HPD: variants seen among roughly 807,000 people sequenced by gnomAD.
The protein encoded by HPD is 4-hydroxyphenylpyruvic acid oxidase.
In HPD, 35 loss-of-function variants were observed where a neutral mutation model predicts 56.9. That is an observed-to-expected ratio of 0.62 (90% CI 0.47 to 0.82). The LOEUF is 0.82. Among genes scored for constraint, HPD ranks in the 40% least tolerant of loss-of-function variants. The pLI is 0.00. For synonymous variants in HPD, 186 were observed against 200.2 expected (o/e 0.93, Z 0.60); for missense variants, 442 against 506.8 (o/e 0.87, Z 1.23).
intron 4 of HPD, chr12:121,857,067 G>GGTTTTTT (rs1878028308): frequency 1.9e-6 from 1 of 522,814 alleles, no homozygotes; most frequent in East Asian, 3.5e-5. Context: ...TTGTTGTTGG[G>GGTTTTTT]GTTTTTTGTT....
the HPD span, among the ~76,000 whole-genome samples, chr12:121,870,595 G>GTTT: frequency 9.5e-4 from 117 of 123,260 alleles, 3 homozygotes; most frequent in African/African-American, 2.7e-3. Flanking sequence ...GCTATTGAAG[G>GTTT]TTTTTTTTTT....
chr12:121,883,810 A>G, the HPD span, among the ~76,000 whole-genome samples: 1 of 151,734 alleles, frequency 6.6e-6, no homozygotes, highest in Middle Eastern at 3.4e-3. Flanking sequence ...TGAGCTGCCT[A>G]CAAAAGTTTC....
intron 12 of HPD, among the ~76,000 whole-genome samples, chr12:121,840,681 G>C (rs187925669): frequency 1.3e-5 from 2 of 152,120 alleles, no homozygotes; most frequent in Admixed American, 6.6e-5. Flanking sequence ...TGTACTGCTG[G>C]TGGGACTGTA....
the HPD span, among the ~76,000 whole-genome samples, chr12:121,884,911 C>T: frequency 2.4e-4 from 37 of 152,224 alleles, no homozygotes; most frequent in Admixed American, 2.3e-3. Context: ...TTTCTTGAGA[C>T]GGAGTCTCAC....
intron 4 of HPD, 91 bp downstream of exon 4, chr12:121,857,237 G>T: frequency 2.3e-6 from 2 of 859,918 alleles, no homozygotes; most frequent in Non-Finnish European, 4.0e-6. Context: ...CCACCATCAT[G>T]CCCAGCTAAT....
intron 9 of HPD, among the ~76,000 whole-genome samples, chr12:121,847,475 C>G (rs1877625990): frequency 1.3e-5 from 2 of 152,102 alleles, no homozygotes; most frequent in South Asian, 4.1e-4. Flanking sequence ...CCTCCCACCT[C>G]AGCTTCCCAA....
chr12:121,857,594 A>G, intron 3 of HPD, 162 bp from the exon 4 acceptor site: 1 of 832,366 alleles, frequency 1.2e-6, no homozygotes, highest in Non-Finnish European at 2.0e-6. Context: ...TTGCTGACAG[A>G]TAACTTTCCC....
At chr12:121,843,873 G>C in intron 11 of HPD, 41 bp from the exon 12 acceptor site, 1 of 1,613,738 alleles carries the variant, frequency 6.2e-7, no homozygotes, top group East Asian at 2.2e-5. Flanking sequence ...CGGCCTCCAA[G>C]TTCAACTCCC....
chr12:121,846,712 A>C, intron 11 of HPD, 150 bp downstream of exon 11: 1 of 752,882 alleles, frequency 1.3e-6, no homozygotes, highest in Non-Finnish European at 2.3e-6. Flanking sequence ...GTGCCTGCCC[A>C]TGAGTTGCAA....
At chr12:121,851,471 C>G (rs959656998) in intron 7 of HPD, among the ~76,000 whole-genome samples, 14 of 151,526 alleles carry the variant, frequency 9.2e-5, no homozygotes, top group African/African-American at 2.7e-4. Context: ...CTCAGCCTCC[C>G]GAGTAGCTGG....
At chr12:121,842,787 G>A (rs372484077) in intron 12 of HPD, among the ~76,000 whole-genome samples, 24 of 116,578 alleles carry the variant, frequency 2.1e-4, no homozygotes, top group East Asian at 5.3e-4. Flanking sequence ...TCACTGTGTC[G>A]CCCAGGCTGG....
At chr12:121,879,756 A>T in the HPD span, among the ~76,000 whole-genome samples, 1 of 152,204 alleles carries the variant, frequency 6.6e-6, no homozygotes, top group Non-Finnish European at 1.5e-5. Flanking sequence ...TTTGATACTT[A>T]TGCTAATTTT....
At chr12:121,846,990 C>A (rs1877607777) in intron 10 of HPD, 57 bp from the exon 11 acceptor site, 3 of 1,613,276 alleles carry the variant, frequency 1.9e-6, no homozygotes, top group East Asian at 4.5e-5. Context: ...ACATCCCTGA[C>A]CCTACAAGAG....
intron 7 of HPD, among the ~76,000 whole-genome samples, chr12:121,852,681 C>G (rs1877836569): frequency 8.1e-6 from 1 of 123,608 alleles, no homozygotes; most frequent in African/African-American, 3.1e-5. Flanking sequence ...GTCGCCCAGG[C>G]TGGAGTGCAG....
At chr12:121,870,684 C>A in the HPD span, among the ~76,000 whole-genome samples, 24 of 147,958 alleles carry the variant, frequency 1.6e-4, no homozygotes, top group African/African-American at 6.0e-4. Flanking sequence ...ACAACCTCTG[C>A]CTCCTGGGTT....
chr12:121,877,086 T>G, the HPD span, among the ~76,000 whole-genome samples: 1 of 116,660 alleles, frequency 8.6e-6, no homozygotes, highest in Non-Finnish European at 1.7e-5. Context: ...ACAGCAAGAC[T>G]CCATCTCCAA....
rs757475819 is a variant in HPD, at chr12:121,856,602, C to T, written c.222G>A (p.Ala74=). The stretch of plus-strand genomic sequence containing the variant: ...CCTCACCTTTGTTCCAGGGGTTGAG[C>T]GCTGAGGAGAGGACAAACACAATCT... ...QGKIVFVLSS[A]LNPWNKEMGD... is the part of the protein sequence containing the mutation. The change falls in exon 5 of 14, where the codon GCG becomes GCA. Residue 74 remains alanine, a synonymous_variant. Transcript: ENST00000289004. The T allele has an allele frequency of 1.9e-5, 30 of 1,614,074 alleles. No individual in the cohort carries two copies. Among genetic ancestry groups the T allele is most frequent in the South Asian group, 3.3e-5 (3 of 91,076 alleles).
At chr12:121,845,407 T>C (rs147848941) in intron 11 of HPD, among the ~76,000 whole-genome samples, 14 of 149,106 alleles carry the variant, frequency 9.4e-5, no homozygotes, top group South Asian at 2.1e-4. Flanking sequence ...CCATCCTGGC[T>C]AACACAGTGA....
intron 7 of HPD, among the ~76,000 whole-genome samples, chr12:121,851,403 G>A (rs1877767197): frequency 6.6e-6 from 1 of 151,588 alleles, no homozygotes. Context: ...CTGGAGTACA[G>A]TGGTGCAACC....
Sources: allele counts gnomAD v4.1 joint callset (sites outside exome capture counted in the v4.1 genomes callset), GRCh38; gene constraint gnomAD v4.1.1; transcripts MANE v1.5; gene names NCBI Gene and HGNC (gene_info 2026-07-23, HGNC 2026-07-21).